The following SIK3 variants were observed in gnomAD, a reference collection of about 807,000 sequenced individuals.
The protein encoded by SIK3 is SIK family kinase 3, also known as serine/threonine-protein kinase SIK3.
In SIK3, 28 loss-of-function variants were observed where a neutral mutation model predicts 144.2. That is an observed-to-expected ratio of 0.19 (90% CI 0.14 to 0.27). The LOEUF (loss-of-function observed/expected upper bound fraction) is 0.27, where lower values mean the gene tolerates loss of function less well. Ranked by LOEUF, SIK3 falls within the 10% of genes least tolerant of loss-of-function variation. The pLI, the probability that SIK3 is intolerant of heterozygous loss-of-function variation, is 1.00. For missense variants in SIK3, 1,319 were observed against 1,776.0 expected (o/e 0.74, Z 4.62); for synonymous variants, 686 against 676.3 (o/e 1.01, Z -0.22).
intron 1 of SIK3, among the ~76,000 whole-genome samples, chr11:117,086,406 G>A (rs1428345475): frequency 6.6e-6 from 1 of 152,186 alleles, no homozygotes; most frequent in Non-Finnish European, 1.5e-5. Context: ...AAAAATCAAT[G>A]GTAGGCTGGG....
intron 6 of SIK3, among the ~76,000 whole-genome samples, chr11:116,887,438 G>A (rs900439686): frequency 5.3e-5 from 8 of 151,746 alleles, no homozygotes; most frequent in South Asian, 2.1e-4. Flanking sequence ...CCAACATGAC[G>A]AGACCCCGTC....
chr11:117,097,890 G>C (rs570390276), intron 1 of SIK3, among the ~76,000 whole-genome samples: 61 of 151,908 alleles, frequency 4.0e-4, no homozygotes, highest in African/African-American at 1.3e-3. Flanking sequence ...TCAGCCCCGA[G>C]GACCCCTCCC....
chr11:117,010,071 A>G (rs962036032), intron 1 of SIK3, among the ~76,000 whole-genome samples: 1 of 152,188 alleles, frequency 6.6e-6, no homozygotes, highest in Non-Finnish European at 1.5e-5. Context: ...TCACATGATC[A>G]TCAAGGGGAC....
chr11:117,014,456 C>T (rs1471061771), intron 1 of SIK3, among the ~76,000 whole-genome samples: 1 of 151,188 alleles, frequency 6.6e-6, no homozygotes, highest in African/African-American at 2.4e-5. Context: ...ACTAATCATA[C>T]AGAAAAAAAG....
At chr11:117,086,235 T>C (rs1235196185) in intron 1 of SIK3, among the ~76,000 whole-genome samples, 1 of 152,208 alleles carries the variant, frequency 6.6e-6, no homozygotes, top group Admixed American at 6.5e-5. Flanking sequence ...CACAGCAAAT[T>C]TAAACATGAT....
intron 1 of SIK3, among the ~76,000 whole-genome samples, chr11:117,084,427 A>T (rs1433873494): frequency 1.3e-5 from 2 of 151,934 alleles, no homozygotes; most frequent in Non-Finnish European, 2.9e-5. Context: ...CAACACACCC[A>T]GCTAATTTTT....
rs552014510 is a variant in SIK3 at position 117,024,502 on chromosome 11, T to C, written c.274-67438A>G. On this transcript the variant is annotated intron_variant, in intron 1 of 24. Transcript: ENST00000445177. ...TCAATAATGCCCCATAACTCTAAAC[T>C]GATGTAAGCCTGCAACAGCTGTAAA... Among the ~76,000 whole-genome samples the C allele has an allele frequency of 1.8e-4, 28 of 152,210 alleles. No individual in the cohort carries two copies. The South Asian group carries it at 5.4e-3, about 29-fold the overall frequency.
intron 12 of SIK3, 79 bp downstream of exon 12, chr11:116,873,824 A>T: frequency 6.5e-7 from 1 of 1,531,736 alleles, no homozygotes; most frequent in Non-Finnish European, 8.8e-7. Flanking sequence ...CTTAAGTCCT[A>T]GGGAAGGTGC....
chr11:117,061,492 G>A (rs1953793310), intron 1 of SIK3, among the ~76,000 whole-genome samples: 1 of 152,082 alleles, frequency 6.6e-6, no homozygotes, highest in South Asian at 2.1e-4. Flanking sequence ...CTGGCAAATT[G>A]GGGATAATAA....
intron 6 of SIK3, among the ~76,000 whole-genome samples, chr11:116,895,231 C>T (rs892309533): frequency 9.9e-5 from 15 of 152,166 alleles, no homozygotes; most frequent in Admixed American, 2.6e-4. Context: ...GCTCCATCCC[C>T]GCGGCCTCTG....
At position 116,872,248 on chromosome 11, in the gene SIK3, C is replaced by T. The variant is rs1460024804; in HGVS notation, c.1737+1233G>A. Among the ~76,000 whole-genome samples the T allele has an allele frequency of 2.6e-5, 4 of 152,210 alleles. No individual in the cohort carries two copies. The East Asian group carries it at 5.8e-4, about 22-fold the overall frequency. On this transcript the variant is annotated intron_variant, in intron 13 of 24. Transcript: ENST00000445177. Reference sequence around the variant, plus strand: ...AAAGATAAAAGGTTAAAAATGTCCACTGAATTTATCAACAAGAACTTGTTA... The same window carrying T: ...AAAGATAAAAGGTTAAAAATGTCCATTGAATTTATCAACAAGAACTTGTTA...
chr11:117,034,644 G>C (rs1208028370), intron 1 of SIK3, among the ~76,000 whole-genome samples: 1 of 152,120 alleles, frequency 6.6e-6, no homozygotes, highest in African/African-American at 2.4e-5. Flanking sequence ...ATCATGCCAT[G>C]CTCCACAGAC....
At chr11:117,009,678 T>C (rs185261626) in intron 1 of SIK3, among the ~76,000 whole-genome samples, 15 of 152,320 alleles carry the variant, frequency 9.8e-5, no homozygotes, top group Admixed American at 4.6e-4. Context: ...CCAATCAAAG[T>C]ACACTATTAT....
rs982916663 is a variant in SIK3, at chr11:116,846,592, C to T, written c.3953-39G>A. The T allele has an allele frequency of 6.2e-7, 1 of 1,612,518 alleles. No homozygotes were observed. Among genetic ancestry groups the T allele is most frequent in the Admixed American group, 1.7e-5 (1 of 59,952 alleles). On this transcript the variant is annotated intron_variant, in intron 23 of 24. Coordinates refer to ENST00000445177, the MANE Select transcript of SIK3 (RefSeq NM_001366686.3). The surrounding 1 kb of genome is among the most constrained non-coding windows in gnomAD (Gnocchi z 4.1). ...AAGAACGTATGAGGTTGGCAGGGAA[C>T]TGGGGGACTAGGAGAGCAAGGGGGA...
intron 1 of SIK3, among the ~76,000 whole-genome samples, chr11:117,031,611 G>A (rs1952266899): frequency 6.7e-6 from 1 of 150,064 alleles, no homozygotes; most frequent in South Asian, 2.1e-4. Flanking sequence ...AACCTCCACT[G>A]CACAGGTTCA....
At chr11:116,947,166 A>AATATATAATATATG (rs1373166510) in intron 3 of SIK3, among the ~76,000 whole-genome samples, 135 of 132,962 alleles carry the variant, frequency 1.0e-3, no homozygotes, top group Non-Finnish European at 1.6e-3. Flanking sequence ...TATTATATAT[A>AATATATAATATATG]AATTATTATT....
intron 6 of SIK3, among the ~76,000 whole-genome samples, chr11:116,880,419 G>C (rs1240698979): frequency 6.6e-6 from 1 of 152,072 alleles, no homozygotes; most frequent in African/African-American, 2.4e-5. Context: ...GTGTCTACAG[G>C]CCCCAGATTA....
intron 3 of SIK3, among the ~76,000 whole-genome samples, chr11:116,942,701 G>C (rs1357942560): frequency 6.6e-6 from 1 of 152,116 alleles, no homozygotes; most frequent in African/African-American, 2.4e-5. Context: ...TGGAATATAT[G>C]GTCTTAAAGC....
chr11:117,075,840 CT>C (rs1037271983), intron 1 of SIK3, among the ~76,000 whole-genome samples: 1,174 of 40,880 alleles, frequency 0.029, 2 homozygotes, highest in African/African-American at 0.13. Context: ...CCAAGCCTGG[CT>C]TTTTTTTTTT....
Sources: allele counts gnomAD v4.1 joint callset (sites outside exome capture counted in the v4.1 genomes callset), GRCh38; gene constraint gnomAD v4.1.1; non-coding constraint Gnocchi (gnomAD v3.1); transcripts MANE v1.5; gene names NCBI Gene and HGNC (gene_info 2026-07-23, HGNC 2026-07-21).